The following RAB37 variants were observed in gnomAD, a reference collection of about 807,000 sequenced individuals.
RAB37 encodes the protein RAB37, member RAS oncogene family, also known as ras-related protein Rab-37.
In RAB37, 29 loss-of-function variants were observed where a neutral mutation model predicts 33.1. The ratio of observed to expected loss-of-function variants is 0.88; its 90% confidence interval spans 0.65 to 1.20. The LOEUF (loss-of-function observed/expected upper bound fraction) is 1.20, where lower values mean the gene tolerates loss of function less well. Ranked by LOEUF, RAB37 falls within the 50% of genes most tolerant of loss-of-function variation. RAB37 has a pLI of 0.00. For missense variants in RAB37, 299 were observed against 301.1 expected (o/e 0.99, Z 0.05); for synonymous variants, 128 against 119.5 (o/e 1.07, Z -0.47).
chr17:74,695,922 CACGGTGGGACGGG>C, intron 1 of RAB37: 2 of 1,562,362 alleles, frequency 1.3e-6, no homozygotes, highest in Admixed American at 3.6e-5. Flanking sequence ...GTTCCTTTTC[CACGGTGGGACGGG>C]ACGAGAGCCT....
Position 74,671,380 on chromosome 17 carries a change from C to T in RAB37, c.-207C>T, listed in dbSNP as rs2031700020. The T allele has an allele frequency of 3.5e-6, 2 of 569,938 alleles. No homozygotes were observed. Among genetic ancestry groups the T allele is most frequent in the Admixed American group, 6.0e-5 (2 of 33,422 alleles). 35.3% of individuals were successfully genotyped at this position (569,938 alleles called of 1,614,324 possible). Reference sequence around the variant, plus strand: ...GGAGTCGCTGTTCCTGGTGCTGAAACGCTCAGTCCTGGAAGAACGTGGCCG... The same window carrying T: ...GGAGTCGCTGTTCCTGGTGCTGAAATGCTCAGTCCTGGAAGAACGTGGCCG... On this transcript the variant is annotated 5_prime_UTR_variant, in exon 1 of 8. Coordinates refer to the RAB37 transcript ENST00000340415. This position sits in a 1 kb window ranked among gnomAD's most constrained non-coding sequence, Gnocchi z 5.0.
chr17:74,745,577 T>C lies in RAB37; in HGVS notation c.*166T>C. The C allele has an allele frequency of 1.6e-6, 1 of 609,714 alleles. No individual in the cohort carries two copies. The highest frequency in any genetic ancestry group is 2.9e-5 in the Admixed American group (1 of 34,148). 37.8% of individuals were successfully genotyped at this position (609,714 alleles called of 1,614,324 possible). A position where few individuals can be genotyped will look rare whatever the true frequency, so the allele number is the denominator to read the frequency against. On this transcript the variant is annotated 3_prime_UTR_variant, in exon 9 of 9. Transcript: ENST00000392613. This position sits in a 1 kb window ranked among gnomAD's most constrained non-coding sequence, Gnocchi z 4.5. ...ATACTCCAACTCCTACTTGAGTTCCTGCGGTCTCCCCGCATCCACAGGGAG... is the reference window on the plus strand; with the variant it reads ...ATACTCCAACTCCTACTTGAGTTCCCGCGGTCTCCCCGCATCCACAGGGAG...
intron 1 of RAB37, among the ~76,000 whole-genome samples, chr17:74,679,399 C>T (rs913353054): frequency 2.6e-5 from 4 of 152,118 alleles, no homozygotes; most frequent in African/African-American, 9.7e-5. Context: ...CTCCCCCATG[C>T]CTTTACCCAG....
chr17:74,735,426 C>T (rs1331760670), upstream of RAB37, among the ~76,000 whole-genome samples: 2 of 152,208 alleles, frequency 1.3e-5, no homozygotes, highest in South Asian at 2.1e-4. Context: ...GTCCCAGCTG[C>T]TCCAGAGGCT....
intron 1 of RAB37, among the ~76,000 whole-genome samples, chr17:74,708,658 G>A (rs564615576): frequency 6.6e-6 from 1 of 152,044 alleles, no homozygotes; most frequent in Admixed American, 6.6e-5. Context: ...GGCTTACACC[G>A]GTAATCCCAG....
At chr17:74,732,011 AAAC>A (rs1265105845) in intron 2 of RAB37, among the ~76,000 whole-genome samples, 1 of 151,864 alleles carries the variant, frequency 6.6e-6, no homozygotes, top group South Asian at 2.1e-4. Context: ...CTCCATCTCA[AAAC>A]AACAACAACA....
chr17:74,698,552 C>T lies in RAB37; in HGVS notation c.72+26894C>T, dbSNP rs570897185. ...GCCTCTCAGCCCAATCCCACCCACC[C>T]AGCAGCAGGGGAGGGCCACACACCT... On this transcript the variant is annotated intron_variant, in intron 1 of 7. Coordinates refer to the RAB37 transcript ENST00000340415. 6.4e-5 allele frequency: 98 copies of T among 1,542,408 alleles called. No individual in the cohort carries two copies. In the South Asian group the frequency reaches 1.0e-3, roughly 16 times the overall value.
intron 1 of RAB37, among the ~76,000 whole-genome samples, chr17:74,710,597 G>A (rs1460831173): frequency 1.3e-5 from 2 of 151,746 alleles, no homozygotes; most frequent in Non-Finnish European, 1.5e-5. Context: ...GGTGGCTCAC[G>A]CCTGTAATCC....
At chr17:74,724,571 G>A (rs2034283392) in intron 1 of RAB37, among the ~76,000 whole-genome samples, 1 of 152,182 alleles carries the variant, frequency 6.6e-6, no homozygotes, top group African/African-American at 2.4e-5. Flanking sequence ...ATTTCACCTG[G>A]GTGCAGGCAG....
At chr17:74,708,562 T>G (rs1042755691) in intron 1 of RAB37, among the ~76,000 whole-genome samples, 3 of 152,150 alleles carry the variant, frequency 2.0e-5, no homozygotes, top group Admixed American at 6.6e-5. Flanking sequence ...ATAAACAGGA[T>G]AAAACATTAT....
intron 1 of RAB37, chr17:74,696,264 C>G: frequency 6.4e-7 from 1 of 1,573,784 alleles, no homozygotes; most frequent in Non-Finnish European, 8.6e-7. Flanking sequence ...ATTCCCCAGA[C>G]TCACAAGAAC....
In RAB37 at chr17:74,729,481, T is replaced by C; in HGVS notation, c.183+115T>C. On this transcript the variant is annotated intron_variant, in intron 2 of 7. Coordinates refer to the RAB37 transcript ENST00000340415. This position sits in a 1 kb window ranked among gnomAD's most constrained non-coding sequence, Gnocchi z 4.2. ...TCGCATTGGATCATTCAAGGAGGAT[T>C]AAGGAGAAGACTGTTCCCCAAGGTG... 1.3e-6 allele frequency: 1 copy of C among 788,792 alleles called. No homozygotes were observed. Among genetic ancestry groups the C allele is most frequent in the South Asian group, 1.4e-5 (1 of 71,972 alleles). The allele number at this position is 788,792 out of a possible 1,614,324, so 48.9% of individuals were successfully genotyped here.
intron 1 of RAB37, among the ~76,000 whole-genome samples, chr17:74,714,882 G>A (rs1040083153): frequency 2.2e-4 from 34 of 152,188 alleles, no homozygotes; most frequent in Admixed American, 2.0e-3. Flanking sequence ...AGCATTTTGG[G>A]AGGCCAAGGC....
At chr17:74,737,770 T>G (rs1205629235) in intron 1 of RAB37, among the ~76,000 whole-genome samples, 1 of 152,108 alleles carries the variant, frequency 6.6e-6, no homozygotes, top group Non-Finnish European at 1.5e-5. Context: ...CTGGCGTTAA[T>G]GCCATTTTCC....
intron 1 of RAB37, among the ~76,000 whole-genome samples, chr17:74,692,821 T>G (rs1275109479): frequency 6.6e-6 from 1 of 152,218 alleles, no homozygotes; most frequent in Non-Finnish European, 1.5e-5. Flanking sequence ...AGGACTGCCC[T>G]GCCAGAATAG....
intron 1 of RAB37, among the ~76,000 whole-genome samples, chr17:74,723,725 C>T (rs879732587): frequency 2.6e-5 from 4 of 151,836 alleles, no homozygotes; most frequent in Non-Finnish European, 4.4e-5. Flanking sequence ...ACTACAGGCG[C>T]GCATTTTTGC....
At chr17:74,680,280 G>A (rs960729271) in intron 1 of RAB37, among the ~76,000 whole-genome samples, 19 of 151,992 alleles carry the variant, frequency 1.3e-4, no homozygotes, top group Non-Finnish European at 1.5e-5. Context: ...CACCAAGAGG[G>A]TCACAGATGG....
upstream of RAB37, among the ~76,000 whole-genome samples, chr17:74,734,627 T>A (rs919888872): frequency 2.6e-5 from 4 of 152,124 alleles, no homozygotes; most frequent in Non-Finnish European, 5.9e-5. Flanking sequence ...GCGGATCACC[T>A]AAGGTCAGGA....
chr17:74,706,280 A>ATAT lies in RAB37; in HGVS notation c.73-22976_73-22975insTAT, dbSNP rs200263662. Among the ~76,000 whole-genome samples, 246 of 148,782 alleles carry ATAT rather than the reference A, an allele frequency of 1.7e-3. 1 individual carries two copies. The highest frequency in any genetic ancestry group is 3.6e-3 in the Admixed American group (53 of 14,878). ...ATAAAAAACATTTTAAAGGAAAAAA[A>ATAT]AAATATATATATATATATATCCCAA... is the stretch of plus-strand genomic sequence containing the variant. On this transcript the variant is annotated intron_variant, in intron 1 of 7. Transcript: ENST00000340415.
Sources: gnomAD v4.1 joint callset for allele counts (sites outside exome capture counted in the v4.1 genomes callset) on GRCh38, gnomAD v4.1.1 for gene constraint, Gnocchi (gnomAD v3.1) non-coding constraint, MANE v1.5 for transcripts, NCBI Gene and HGNC (gene_info 2026-07-23, HGNC 2026-07-21) for gene names.